The following PHF21B variants were observed in gnomAD, a reference collection of about 807,000 sequenced individuals.
PHF21B encodes PHD finger protein 4.
A neutral mutation model predicts 62.2 loss-of-function variants in PHF21B; 22 were observed. The ratio of observed to expected loss-of-function variants is 0.35; its 90% CI spans 0.25 to 0.51. PHF21B has a LOEUF of 0.51. Ranked by LOEUF, PHF21B falls within the 20% of genes least tolerant of loss-of-function variation. PHF21B has a pLI of 0.97. For synonymous variants in PHF21B, 341 were observed against 314.7 expected, an observed-to-expected ratio of 1.08 and a Z score of -0.88; for missense variants, 701 against 707.9, an observed-to-expected ratio of 0.99 and a Z score of 0.11.
intron 11 of PHF21B, 44 bp downstream of exon 11, chr22:44,885,819 G>A: frequency 6.3e-7 from 1 of 1,581,798 alleles, no homozygotes; most frequent in Middle Eastern, 1.7e-4. Flanking sequence ...GGTGGGGGAG[G>A]AGGGGGAGCA....
intron 3 of PHF21B, among the ~76,000 whole-genome samples, chr22:44,920,107 A>G (rs543255941): frequency 2.0e-5 from 3 of 152,386 alleles, no homozygotes; most frequent in African/African-American, 7.2e-5. Context: ...CATAGGATGC[A>G]TATCTTGATA....
At chr22:44,997,282 C>T (rs1418161432) in intron 2 of PHF21B, among the ~76,000 whole-genome samples, 4 of 152,142 alleles carry the variant, frequency 2.6e-5, no homozygotes, top group Non-Finnish European at 2.9e-5. Context: ...TTTCCCTTGA[C>T]GTGCCCACTT....
chr22:44,994,790 T>C (rs990009606), intron 2 of PHF21B, among the ~76,000 whole-genome samples: 4 of 152,318 alleles, frequency 2.6e-5, no homozygotes, highest in Non-Finnish European at 5.9e-5. Context: ...GGCTGCTGAT[T>C]ACGATGAAAG....
chr22:45,008,899 CGAGTGA>C, intron 1 of PHF21B: 2 of 1,166,536 alleles, frequency 1.7e-6, no homozygotes, highest in Non-Finnish European at 1.1e-6. Flanking sequence ...GGTGCGTGTG[CGAGTGA>C]GTGTGAGTGT....
chr22:44,917,535 G>A (rs1185768358), intron 3 of PHF21B, among the ~76,000 whole-genome samples: 1 of 152,180 alleles, frequency 6.6e-6, no homozygotes, highest in Non-Finnish European at 1.5e-5. Flanking sequence ...GAGACAAGGG[G>A]ACAAGGAGAA....
intron 5 of PHF21B, among the ~76,000 whole-genome samples, chr22:44,899,282 ATTCT>A (rs2071114162): frequency 2.4e-5 from 3 of 123,352 alleles, no homozygotes; most frequent in Non-Finnish European, 5.0e-5. Flanking sequence ...CTCTGTTCTT[ATTCT>A]TTTTTTTTTT....
chr22:44,973,209 T>C (rs1047726929), intron 2 of PHF21B, among the ~76,000 whole-genome samples: 19 of 152,074 alleles, frequency 1.2e-4, no homozygotes, highest in African/African-American at 4.3e-4. Flanking sequence ...CGGGGTCTGC[T>C]GGTCTCCACC....
chr22:44,948,778 G>A (rs1029786285), intron 2 of PHF21B, among the ~76,000 whole-genome samples: 2 of 151,992 alleles, frequency 1.3e-5, no homozygotes, highest in Admixed American at 6.6e-5. Flanking sequence ...CAGTGCTCAC[G>A]TGGCAATCTC....
At chr22:44,902,385 T>C (rs2071175438) in intron 5 of PHF21B, 1 of 327,818 alleles carries the variant, frequency 3.1e-6, no homozygotes, top group Non-Finnish European at 6.1e-6. Flanking sequence ...AGATCTGTGT[T>C]TGCCCTGATG....
intron 2 of PHF21B, among the ~76,000 whole-genome samples, chr22:44,987,993 C>T (rs527646643): frequency 1.3e-5 from 2 of 152,272 alleles, no homozygotes; most frequent in Admixed American, 6.5e-5. Flanking sequence ...GTGAGCTCCC[C>T]GTCACACAAA....
In PHF21B at chr22:44,883,096, C is replaced by T. The variant is rs755103168; in HGVS notation, c.1586G>A (p.Gly529Asp). ...ACTGGTCCCTCGGGGTCAGTTGTGGCCCTGGGGGTGCTGGACGGTGGGGTG... is the reference window on the plus strand; with the variant it reads ...ACTGGTCCCTCGGGGTCAGTTGTGGTCCTGGGGGTGCTGGACGGTGGGGTG... ...ATHPTVQHPQGHN is the reference protein window; with the variant it reads ...ATHPTVQHPQDHN The change falls in exon 13 of 13, where the codon GGC becomes GAC. Residue 529 changes from glycine (G) to aspartate (D), a missense_variant. Coordinates refer to ENST00000313237, the MANE Select transcript of PHF21B (RefSeq NM_138415.5). 6.2e-7 allele frequency: 1 copy of T among 1,610,460 alleles called. No individual in the cohort carries two copies. The highest frequency in any genetic ancestry group is 1.7e-5 in the Admixed American group (1 of 59,948).
intron 2 of PHF21B, among the ~76,000 whole-genome samples, chr22:44,958,976 C>G (rs1216427227): frequency 3.3e-5 from 5 of 152,002 alleles, no homozygotes; most frequent in African/African-American, 1.2e-4. Flanking sequence ...ATCTACATTT[C>G]CAATGTCTCC....
chr22:44,914,186 A>G, intron 4 of PHF21B, 98 bp from the exon 5 acceptor site: 2 of 567,490 alleles, frequency 3.5e-6, no homozygotes, highest in East Asian at 3.0e-5. Context: ...GGGAGCACAG[A>G]GCCTGGGCCA....
intron 2 of PHF21B, among the ~76,000 whole-genome samples, chr22:44,958,598 A>ATTTTTTTTTTTTTTT (rs59943293): frequency 1.3e-5 from 1 of 75,886 alleles, no homozygotes; most frequent in Non-Finnish European, 2.2e-5. Flanking sequence ...CCTTCCTTTG[A>ATTTTTTTTTTTTTTT]TTTTTTTTTT....
At position 44,933,042 on chromosome 22, in the gene PHF21B, G is replaced by A. The variant is rs374919213; in HGVS notation, c.121-12552C>T. ...GCCAAGGAGAGCAGGTCCTGTCCTC[G>A]GGGACAGACTTCTGGTTGGATTGGC... On this transcript the variant is annotated intron_variant, in intron 2 of 12. Coordinates refer to ENST00000313237, the MANE Select transcript of PHF21B (RefSeq NM_138415.5). Among the ~76,000 whole-genome samples the A allele has an allele frequency of 1.9e-3, 287 of 152,316 alleles. 1 individual carries two copies. The highest frequency in any genetic ancestry group is 2.9e-3 in the Non-Finnish European group (200 of 68,016).
At chr22:44,942,006 G>T (rs1469222096) in intron 2 of PHF21B, among the ~76,000 whole-genome samples, 1 of 152,208 alleles carries the variant, frequency 6.6e-6, no homozygotes, top group Admixed American at 6.5e-5. Flanking sequence ...GACCCTGAAA[G>T]AAAAGTCCAC....
Position 44,913,928 on chromosome 22 carries a change from G to A in PHF21B, c.725C>T (p.Pro242Leu), listed in dbSNP as rs201312214. The A allele has an allele frequency of 2.2e-4, 357 of 1,613,854 alleles. 1 individual carries two copies. Among genetic ancestry groups the A allele is most frequent in the Admixed American group, 1.4e-3 (86 of 59,990 alleles). Residue 242 changes from proline to leucine, a missense_variant, in exon 5 of 13, where the codon CCC (proline) becomes CTC (leucine). Coordinates refer to ENST00000313237, the MANE Select transcript of PHF21B (RefSeq NM_138415.5). ...IIIQPQVQTQ[P>L]ESTAESRPPT... is the part of the protein sequence containing the mutation. Reference sequence around the variant, plus strand: ...CGGCCGCGACTCTGCCGTGCTCTCGGGCTGCGTCTGCACTTGAGGCTGAAT... The same window carrying A: ...CGGCCGCGACTCTGCCGTGCTCTCGAGCTGCGTCTGCACTTGAGGCTGAAT...
chr22:44,974,232 T>A (rs186083711), intron 2 of PHF21B, among the ~76,000 whole-genome samples: 22 of 152,064 alleles, frequency 1.4e-4, no homozygotes, highest in Non-Finnish European at 8.8e-5. Flanking sequence ...CTGACCAACA[T>A]GGCGAAACCC....
chr22:44,935,918 TG>T (rs2071836674), intron 2 of PHF21B, among the ~76,000 whole-genome samples: 2 of 152,268 alleles, frequency 1.3e-5, no homozygotes, highest in African/African-American at 4.8e-5. Context: ...CACTCTGGGC[TG>T]GGGCCCAGAG....
Sources: gnomAD v4.1 joint callset for allele counts (sites outside exome capture counted in the v4.1 genomes callset) on GRCh38, gnomAD v4.1.1 for gene constraint, MANE v1.5 for transcripts, NCBI Gene and HGNC (gene_info 2026-07-23, HGNC 2026-07-21) for gene names.